VWA3B: variants seen among roughly 807,000 people sequenced by gnomAD.
VWA3B encodes the protein von Willebrand factor A domain containing 3B, also known as von Willebrand factor A domain-containing protein 3B.
A neutral mutation model predicts 158.3 loss-of-function variants in VWA3B; 138 were observed. That is an observed-to-expected ratio of 0.87 (90% CI 0.76 to 1.00). VWA3B has a LOEUF of 1.00. Among genes scored for constraint, VWA3B ranks in the 50% least tolerant of loss-of-function variants. The probability of loss-of-function intolerance (pLI) is 0.00; values close to 1 mark genes in which losing one functional copy is unlikely to be tolerated. For synonymous variants in VWA3B, 596 were observed against 587.3 expected, an observed-to-expected ratio of 1.01 and a Z score of -0.21; for missense variants, 1,555 against 1,565.1, an observed-to-expected ratio of 0.99 and a Z score of 0.11.
At chr2:98,317,032 G>A (rs1691102687), downstream of VWA3B, among the ~76,000 whole-genome samples, 1 of 152,184 alleles carries the variant, frequency 6.6e-6, no homozygotes, top group South Asian at 2.1e-4. Context: ...ACTAATATAA[G>A]CAGGTAGGTG....
chr2:98,166,942 C>T (rs1404867287), intron 8 of VWA3B, among the ~76,000 whole-genome samples: 2 of 152,182 alleles, frequency 1.3e-5, no homozygotes, highest in African/African-American at 4.8e-5. Context: ...CTAGCCATCT[C>T]AGCTTTCGTA....
intron 2 of VWA3B, among the ~76,000 whole-genome samples, chr2:98,101,620 G>A (rs1683078876): frequency 1.3e-5 from 2 of 152,364 alleles, no homozygotes; most frequent in African/African-American, 4.8e-5. Flanking sequence ...TCTAGGGGAT[G>A]TGGTTGTTGT....
chr2:98,301,367 G>A (rs945175168), intron 25 of VWA3B, among the ~76,000 whole-genome samples: 1 of 151,876 alleles, frequency 6.6e-6, no homozygotes, highest in Non-Finnish European at 1.5e-5. Context: ...TTTATTGGTT[G>A]TCTGACCTGA....
chr2:98,176,885 C>T (rs1680058233), intron 8 of VWA3B, among the ~76,000 whole-genome samples: 1 of 152,200 alleles, frequency 6.6e-6, no homozygotes, highest in African/African-American at 2.4e-5. Context: ...TCTGTGGGAC[C>T]CACTCTTGGA....
At chr2:98,251,987 T>C (rs1384259185) in intron 20 of VWA3B, among the ~76,000 whole-genome samples, 1 of 152,142 alleles carries the variant, frequency 6.6e-6, no homozygotes, top group African/African-American at 2.4e-5. Flanking sequence ...GGCTCACCCT[T>C]CCCCGTGGGT....
At chr2:98,126,859 G>T (rs986468455) in intron 5 of VWA3B, among the ~76,000 whole-genome samples, 7 of 152,030 alleles carry the variant, frequency 4.6e-5, no homozygotes, top group Non-Finnish European at 1.0e-4. Context: ...CCCAGTCTGG[G>T]CCCCACCCAC....
At chr2:98,311,289 C>A (rs1332394124) in intron 26 of VWA3B, among the ~76,000 whole-genome samples, 2 of 152,184 alleles carry the variant, frequency 1.3e-5, no homozygotes, top group African/African-American at 4.8e-5. Flanking sequence ...AGCGTATTTT[C>A]TAAATAGTAA....
chr2:98,093,819 T>C (rs1682527558), intron 2 of VWA3B, among the ~76,000 whole-genome samples: 1 of 152,212 alleles, frequency 6.6e-6, no homozygotes, highest in African/African-American at 2.4e-5. Flanking sequence ...CCCCAGCCTC[T>C]GATAAGCATC....
At chr2:98,088,859 T>C (rs1225814679) in intron 1 of VWA3B, among the ~76,000 whole-genome samples, 1 of 152,082 alleles carries the variant, frequency 6.6e-6, no homozygotes, top group Non-Finnish European at 1.5e-5. Context: ...GTTCAAGCAA[T>C]TCTCCTGCCT....
At chr2:98,207,576 T>C (rs1683127370) in intron 12 of VWA3B, 1 of 519,104 alleles carries the variant, frequency 1.9e-6, no homozygotes, top group Non-Finnish European at 3.8e-6. Flanking sequence ...TCACAGGTCA[T>C]ATGGGGAAGT....
chr2:98,194,346 C>A lies in VWA3B; in HGVS notation c.1606-15C>A. Reference sequence around the variant, plus strand: ...CTGAGTGGTTTTATGGTTAAATAATCATTGTCTCTTTTAGGAACAGCTGAA... The same window carrying A: ...CTGAGTGGTTTTATGGTTAAATAATAATTGTCTCTTTTAGGAACAGCTGAA... On this transcript the variant is annotated splice_polypyrimidine_tract_variant and intron_variant, in intron 11 of 27. Coordinates refer to ENST00000477737, the MANE Select transcript of VWA3B (RefSeq NM_144992.5). 1 of 1,610,946 alleles carries A rather than the reference C, an allele frequency of 6.2e-7. No homozygotes were observed. Among genetic ancestry groups the A allele is most frequent in the South Asian group, 1.1e-5 (1 of 90,864 alleles).
intron 1 of VWA3B, among the ~76,000 whole-genome samples, chr2:98,089,818 CT>C (rs1489409780): frequency 6.6e-6 from 1 of 151,872 alleles, no homozygotes; most frequent in Non-Finnish European, 1.5e-5. Flanking sequence ...GCCAATTACA[CT>C]TTTTTTAAAA....
chr2:98,193,746 C>T (rs529772118), intron 11 of VWA3B, among the ~76,000 whole-genome samples: 6 of 151,942 alleles, frequency 3.9e-5, no homozygotes, highest in East Asian at 1.9e-4. Flanking sequence ...CCTGCCACCA[C>T]GCCCGGCTAA....
chr2:98,093,172 A>G lies in VWA3B; in HGVS notation c.80A>G (p.Asp27Gly). 6.2e-7 allele frequency: 1 copy of G among 1,614,110 alleles called. No homozygotes were observed. The highest frequency in any genetic ancestry group is 8.5e-7 in the Non-Finnish European group (1 of 1,180,010). Reference protein sequence around the residue: ...RQEGWINTKTDLAEQSLISSE... With the variant: ...RQEGWINTKTGLAEQSLISSE... ...GAGGGATGGATTAACACCAAAACAG[A>G]CTTGGCTGAGCAGAGTCTCATTTCA... is the stretch of plus-strand genomic sequence containing the variant. The change falls in exon 2 of 28, where the codon GAC becomes GGC. Residue 27 changes from aspartate to glycine, a missense_variant. Physicochemically the swap from Asp to Gly is moderately conservative, Grantham distance 94. Coordinates refer to ENST00000477737, the MANE Select transcript of VWA3B (RefSeq NM_144992.5).
chr2:98,274,896 T>A (rs1688427159), intron 22 of VWA3B, among the ~76,000 whole-genome samples: 1 of 152,176 alleles, frequency 6.6e-6, no homozygotes, highest in Admixed American at 6.5e-5. Context: ...TGGGGCAAAG[T>A]TGAAGGTGCT....
intron 3 of VWA3B, among the ~76,000 whole-genome samples, chr2:98,117,475 C>T (rs1158068471): frequency 2.0e-5 from 3 of 152,118 alleles, no homozygotes; most frequent in East Asian, 1.9e-4. Context: ...ACACTGGCTG[C>T]GCTGGGGCAG....
chr2:98,236,921 AC>A (rs1406808250), intron 19 of VWA3B, 191 bp downstream of exon 19: 2 of 692,306 alleles, frequency 2.9e-6, no homozygotes, highest in East Asian at 3.1e-5. Flanking sequence ...CATGCCTGTA[AC>A]CCCAGCACTT....
intron 8 of VWA3B, 54 bp downstream of exon 8, chr2:98,163,030 G>A: frequency 6.2e-7 from 1 of 1,602,748 alleles, no homozygotes; most frequent in Non-Finnish European, 8.5e-7. Flanking sequence ...TTACTAGCTG[G>A]GGACCAGGGG....
intron 7 of VWA3B, 124 bp from the exon 8 acceptor site, chr2:98,162,726 GA>G: frequency 7.6e-7 from 1 of 1,322,690 alleles, no homozygotes; most frequent in South Asian, 1.5e-5. Flanking sequence ...ATTAGTGGGG[GA>G]AGCGGAATTT....
Sources: gnomAD v4.1 joint callset for allele counts (sites outside exome capture counted in the v4.1 genomes callset) on GRCh38, gnomAD v4.1.1 for gene constraint, MANE v1.5 for transcripts, NCBI Gene and HGNC (gene_info 2026-07-23, HGNC 2026-07-21) for gene names.